CTNNA2: variants seen among roughly 807,000 people sequenced by gnomAD.
The protein encoded by CTNNA2 is catenin alpha 2.
Under a neutral mutation model 101.0 loss-of-function variants are expected in CTNNA2, and 42 were observed. The observed-to-expected ratio is 0.42, with a 90% confidence interval of 0.32 to 0.54. The LOEUF (loss-of-function observed/expected upper bound fraction) is 0.54, where lower values mean the gene tolerates loss of function less well. Ranked by LOEUF, CTNNA2 falls within the 20% of genes least tolerant of loss-of-function variation. The probability of loss-of-function intolerance (pLI) is 0.14; values close to 1 mark genes in which losing one functional copy is unlikely to be tolerated. For synonymous variants in CTNNA2, 450 were observed against 456.4 expected (o/e 0.99, Z 0.18); for missense variants, 871 against 1,223.1 (o/e 0.71, Z 4.29).
intron 7 of CTNNA2, among the ~76,000 whole-genome samples, chr2:80,215,836 T>C (rs1708232470): frequency 6.6e-6 from 1 of 152,192 alleles, no homozygotes; most frequent in Non-Finnish European, 1.5e-5. Context: ...CTGCCTTTTG[T>C]TCATCTATGC....
At chr2:80,040,456 G>A (rs1366037056) in intron 7 of CTNNA2, among the ~76,000 whole-genome samples, 1 of 152,060 alleles carries the variant, frequency 6.6e-6, no homozygotes, top group Non-Finnish European at 1.5e-5. Context: ...AGATCTAATT[G>A]GTTTTTCTTG....
At chr2:79,216,967 C>CTTCCTGAGTCCATGACTGG (rs1674272203) in intron 2 of CTNNA2, among the ~76,000 whole-genome samples, 1 of 152,142 alleles carries the variant, frequency 6.6e-6, no homozygotes. Context: ...GGAAGGCTGC[C>CTTCCTGAGTCCATGACTGG]TTCCTGAGTC....
chr2:80,636,216 T>C (rs954473536), intron 18 of CTNNA2, among the ~76,000 whole-genome samples: 2 of 152,108 alleles, frequency 1.3e-5, no homozygotes, highest in African/African-American at 2.4e-5. Flanking sequence ...TCCTAAAGAA[T>C]ATGTAGATTC....
intron 7 of CTNNA2, among the ~76,000 whole-genome samples, chr2:80,314,173 T>G (rs993009371): frequency 1.3e-5 from 2 of 152,200 alleles, no homozygotes; most frequent in Admixed American, 6.5e-5. Flanking sequence ...GAATACCAGC[T>G]GATGCACAAT....
chr2:79,972,928 G>C lies in CTNNA2; in HGVS notation c.1056+63131G>C, dbSNP rs190335861. 2.9e-3 allele frequency among the ~76,000 whole-genome samples: 441 copies of C among 152,226 alleles called. 1 individual carries two copies. The highest frequency in any genetic ancestry group is 9.7e-3 in the African/African-American group (404 of 41,550). On this transcript the variant is annotated intron_variant, in intron 7 of 18. Transcript: ENST00000402739. ...GAAAGCTTTTAGCTCCTCTCTGCCT[G>C]TTGGCATGGTAACGTGACAAGAGTT... is the stretch of plus-strand genomic sequence containing the variant.
intron 4 of CTNNA2, among the ~76,000 whole-genome samples, chr2:79,414,870 C>G (rs6729991): frequency 6.6e-6 from 1 of 151,832 alleles, no homozygotes; most frequent in Admixed American, 6.6e-5. Context: ...CTGTACCATA[C>G]GAATGGCCAT....
At chr2:79,472,697 G>A (rs1427418371) in intron 4 of CTNNA2, among the ~76,000 whole-genome samples, 1 of 152,122 alleles carries the variant, frequency 6.6e-6, no homozygotes, top group African/African-American at 2.4e-5. Context: ...CACCCTTACT[G>A]TTCTCTTCCA....
chr2:80,219,138 G>A (rs544832363), intron 7 of CTNNA2, among the ~76,000 whole-genome samples: 1 of 152,308 alleles, frequency 6.6e-6, no homozygotes, highest in South Asian at 2.1e-4. Context: ...ACTGACTTAG[G>A]TTGCTAAGAC....
In CTNNA2 at chr2:80,302,723, C is replaced by G. The variant is rs375486677; in HGVS notation, c.1057-90488C>G. On this transcript the variant is annotated intron_variant, in intron 7 of 18. Coordinates refer to ENST00000402739, the MANE Select transcript of CTNNA2 (RefSeq NM_001282597.3). This position sits in a 1 kb window ranked among gnomAD's most constrained non-coding sequence, Gnocchi z 6.4. ...CAGGTGGCCGCTGGTGGGCTCGGCC[C>G]CATCCTCGCACAGGTGGAAGGCGTA... The G allele has an allele frequency of 3.7e-6, 6 of 1,612,852 alleles. No homozygotes were observed. Among genetic ancestry groups the G allele is most frequent in the Middle Eastern group, 1.6e-4 (1 of 6,080 alleles).
intron 9 of CTNNA2, among the ~76,000 whole-genome samples, chr2:80,433,038 A>C (rs1389134368): frequency 1.3e-5 from 2 of 152,040 alleles, no homozygotes; most frequent in African/African-American, 4.8e-5. Context: ...AGTTTTGCAA[A>C]CTAAAAATAG....
At chr2:80,428,419 G>C (rs181207298) in intron 9 of CTNNA2, among the ~76,000 whole-genome samples, 3 of 152,318 alleles carry the variant, frequency 2.0e-5, no homozygotes, top group Non-Finnish European at 2.9e-5. Context: ...TTAGTACTAT[G>C]ACTAGAAGAG....
intron 2 of CTNNA2, among the ~76,000 whole-genome samples, chr2:79,282,936 T>G (rs1235293354): frequency 1.1e-5 from 1 of 93,496 alleles, no homozygotes; most frequent in Non-Finnish European, 2.5e-5. Flanking sequence ...CCTGACTTTT[T>G]AATGATTGCC....
intron 4 of CTNNA2, among the ~76,000 whole-genome samples, chr2:79,489,619 A>T (rs1354970172): frequency 6.6e-6 from 1 of 152,218 alleles, no homozygotes; most frequent in Non-Finnish European, 1.5e-5. Flanking sequence ...ACAAAGAGAA[A>T]GAATAAGATA....
At chr2:79,590,627 A>C (rs930276338) in intron 1 of CTNNA2, among the ~76,000 whole-genome samples, 3 of 152,196 alleles carry the variant, frequency 2.0e-5, no homozygotes, top group East Asian at 1.9e-4. Context: ...TTAAAAAAAA[A>C]CATCAGATTT....
intron 7 of CTNNA2, among the ~76,000 whole-genome samples, chr2:80,330,499 CTT>C (rs11338415): frequency 2.7e-4 from 38 of 141,166 alleles, no homozygotes; most frequent in South Asian, 4.5e-4. Context: ...CTACTTTTTT[CTT>C]TTTTTTTTTT....
chr2:80,370,880 TC>T, intron 7 of CTNNA2, among the ~76,000 whole-genome samples: 1 of 152,286 alleles, frequency 6.6e-6, no homozygotes, highest in East Asian at 1.9e-4. Context: ...ACAAGAGGCT[TC>T]ATAAAGAAAT....
intron 7 of CTNNA2, among the ~76,000 whole-genome samples, chr2:80,076,450 TC>T (rs1272225861): frequency 1.3e-5 from 2 of 151,960 alleles, no homozygotes; most frequent in African/African-American, 4.8e-5. Flanking sequence ...GGCTAGTTTT[TC>T]TTTCTTTATT....
intron 3 of CTNNA2, among the ~76,000 whole-genome samples, chr2:79,332,885 C>A (rs1022677125): frequency 1.3e-5 from 2 of 152,088 alleles, no homozygotes; most frequent in African/African-American, 4.8e-5. Context: ...AACAAAAATT[C>A]ACTAATGCTC....
Position 80,435,472 on chromosome 2 carries a change from T to C in CTNNA2, c.1290+15871T>C, listed in dbSNP as rs1681945609. On this transcript the variant is annotated intron_variant, in intron 9 of 18. Transcript: ENST00000402739. ...CTCACTATTTAAAAAGATGCCCTAG[T>C]ATTCTGAAACTACTTCCAGAAGGGG... Among the ~76,000 whole-genome samples, 4 of 152,320 alleles carry C rather than the reference T, an allele frequency of 2.6e-5. No homozygotes were observed. In the South Asian group the frequency reaches 8.3e-4, roughly 32 times the overall value.
Sources: allele counts gnomAD v4.1 joint callset (sites outside exome capture counted in the v4.1 genomes callset), GRCh38; gene constraint gnomAD v4.1.1; non-coding constraint Gnocchi (gnomAD v3.1); transcripts MANE v1.5; gene names NCBI Gene and HGNC (gene_info 2026-07-23, HGNC 2026-07-21).